The following SRGAP3 variants were observed in gnomAD, a reference collection of about 807,000 sequenced individuals.
SRGAP3 encodes the protein SLIT-ROBO Rho GTPase-activating protein 3.
A neutral mutation model predicts 121.1 loss-of-function variants in SRGAP3; 39 were observed. The ratio of observed to expected loss-of-function variants is 0.32; its 90% CI spans 0.25 to 0.42. The LOEUF is 0.42. Ranked by LOEUF, SRGAP3 falls within the 10% of genes least tolerant of loss-of-function variation. The pLI, the probability that SRGAP3 is intolerant of heterozygous loss-of-function variation, is 1.00. For synonymous variants in SRGAP3, 601 were observed against 570.0 expected (o/e 1.05, Z -0.77); for missense variants, 1,213 against 1,470.6 (o/e 0.82, Z 2.86).
intron 1 of SRGAP3, among the ~76,000 whole-genome samples, chr3:9,156,208 A>T (rs932318937): frequency 6.6e-6 from 1 of 152,112 alleles, no homozygotes; most frequent in Admixed American, 6.5e-5. Flanking sequence ...ATCAGAAGTG[A>T]GTTTGGGAGG....
intron 3 of SRGAP3, among the ~76,000 whole-genome samples, chr3:9,305,848 T>C (rs1488859147): frequency 6.6e-6 from 1 of 152,192 alleles, no homozygotes; most frequent in African/African-American, 2.4e-5. Flanking sequence ...TTTGCTATTG[T>C]GAATAGTGCC....
At chr3:9,240,386 C>T (rs576618343) in intron 1 of SRGAP3, among the ~76,000 whole-genome samples, 1 of 152,204 alleles carries the variant, frequency 6.6e-6, no homozygotes, top group South Asian at 2.1e-4. Flanking sequence ...AAGTCAACCC[C>T]GTCCCTTCCT....
At chr3:9,118,524 G>T (rs1260868654) in intron 2 of SRGAP3, among the ~76,000 whole-genome samples, 2 of 152,224 alleles carry the variant, frequency 1.3e-5, no homozygotes, top group African/African-American at 4.8e-5. Context: ...GCCTAGCTTG[G>T]AGAGGGCAGT....
At chr3:9,222,756 G>A (rs569871511) in intron 1 of SRGAP3, among the ~76,000 whole-genome samples, 7 of 152,194 alleles carry the variant, frequency 4.6e-5, no homozygotes, top group African/African-American at 1.4e-4. Context: ...AAATGCCCAC[G>A]TGCACCTAGC....
Position 8,994,393 on chromosome 3 carries a change from G to A in SRGAP3, c.2358C>T (p.His786=), listed in dbSNP as rs564732499. ...RASEDWWEGR[H]NGVDGLIPHQ... Reference sequence around the variant, plus strand: ...GGGGGATGAGTCCATCCACGCCGTTGTGCCGGCCCTCCCACCAGTCCTCCG... The same window carrying A: ...GGGGGATGAGTCCATCCACGCCGTTATGCCGGCCCTCCCACCAGTCCTCCG... Residue 786 remains histidine (H), a synonymous_variant, in exon 19 of 22, where the codon CAC becomes CAT. Coordinates refer to ENST00000383836, the MANE Select transcript of SRGAP3 (RefSeq NM_014850.4). The A allele has an allele frequency of 6.2e-7, 1 of 1,614,210 alleles. No homozygotes were observed. Among genetic ancestry groups the A allele is most frequent in the African/African-American group, 1.3e-5 (1 of 75,062 alleles).
At chr3:9,049,131 C>CCCCA (rs1304406882) in intron 9 of SRGAP3, 1 of 275,052 alleles carries the variant, frequency 3.6e-6, no homozygotes, top group African/African-American at 2.2e-5. Flanking sequence ...GCTCAGACAC[C>CCCCA]CCCAAGTCAA....
rs568729811 is a variant in SRGAP3, at chr3:9,100,148, A to C, written c.423+4532T>G. On this transcript the variant is annotated intron_variant, in intron 3 of 21. Transcript: ENST00000383836. ...TCTTAACATAGTAAGGGCCAAGAAG[A>C]TTATACGTCAGAGCCAAACTCAGTT... is the stretch of plus-strand genomic sequence containing the variant. Among the ~76,000 whole-genome samples the C allele has an allele frequency of 2.6e-5, 4 of 152,334 alleles. No individual in the cohort carries two copies. In the South Asian group the frequency reaches 8.3e-4, roughly 32 times the overall value.
At chr3:9,111,546 GTC>G (rs1300498611) in intron 2 of SRGAP3, among the ~76,000 whole-genome samples, 4 of 152,164 alleles carry the variant, frequency 2.6e-5, no homozygotes, top group Non-Finnish European at 5.9e-5. Context: ...GGCCTGCAGG[GTC>G]TCACACACTC....
chr3:9,246,427 C>T (rs949464433), intron 1 of SRGAP3, among the ~76,000 whole-genome samples: 1 of 152,220 alleles, frequency 6.6e-6, no homozygotes, highest in African/African-American at 2.4e-5. Flanking sequence ...CATCAAGAGG[C>T]TGCCAGTCCC....
chr3:9,087,233 G>A (rs1560115576), intron 3 of SRGAP3, among the ~76,000 whole-genome samples: 1 of 152,050 alleles, frequency 6.6e-6, no homozygotes, highest in Non-Finnish European at 1.5e-5. Context: ...GTCTCATGGA[G>A]TCCCTGTGAG....
At chr3:9,319,282 G>C (rs759211318) in intron 3 of SRGAP3, among the ~76,000 whole-genome samples, 90 of 151,848 alleles carry the variant, frequency 5.9e-4, no homozygotes, top group Admixed American at 2.7e-3. Context: ...TTGTACCTTA[G>C]CTTGTCCTCC....
At chr3:9,101,788 T>A (rs1948225667) in intron 3 of SRGAP3, among the ~76,000 whole-genome samples, 1 of 152,050 alleles carries the variant, frequency 6.6e-6, no homozygotes, top group Non-Finnish European at 1.5e-5. Context: ...ACCATAAGAG[T>A]CCTGATCACT....
intron 11 of SRGAP3, 113 bp from the exon 12 acceptor site, chr3:9,032,865 C>G (rs558340682): frequency 1.1e-6 from 1 of 906,106 alleles, no homozygotes; most frequent in East Asian, 2.6e-5. Context: ...TAAATGGAAG[C>G]CCCTGACCCC....
intron 21 of SRGAP3, among the ~76,000 whole-genome samples, chr3:8,987,772 C>T (rs774353923): frequency 2.6e-5 from 4 of 151,204 alleles, no homozygotes; most frequent in Non-Finnish European, 5.9e-5. Context: ...CAAAAGGAGG[C>T]GCTGTGGGGG....
At chr3:9,117,434 G>T (rs1422156392) in intron 2 of SRGAP3, among the ~76,000 whole-genome samples, 1 of 152,246 alleles carries the variant, frequency 6.6e-6, no homozygotes, top group Non-Finnish European at 1.5e-5. Context: ...GAAGCTGAAA[G>T]ATGCTCCAAA....
intron 15 of SRGAP3, among the ~76,000 whole-genome samples, chr3:9,015,022 A>G (rs1221194240): frequency 1.3e-5 from 2 of 152,188 alleles, no homozygotes; most frequent in Non-Finnish European, 2.9e-5. Context: ...CAGAAACATA[A>G]TAGTTTCTCA....
At chr3:9,065,887 A>T (rs1946406851) in intron 4 of SRGAP3, among the ~76,000 whole-genome samples, 1 of 152,208 alleles carries the variant, frequency 6.6e-6, no homozygotes, top group South Asian at 2.1e-4. Context: ...TGGTAAATAT[A>T]TATTTAATCA....
intron 1 of SRGAP3, among the ~76,000 whole-genome samples, chr3:9,188,029 A>AAGTAGGATG (rs1228646454): frequency 1.3e-5 from 2 of 152,190 alleles, no homozygotes; most frequent in Admixed American, 1.3e-4. Context: ...AATTAGAAGG[A>AAGTAGGATG]AGTAGGATGA....
At chr3:9,187,995 T>G (rs1217330911) in intron 1 of SRGAP3, among the ~76,000 whole-genome samples, 1 of 152,198 alleles carries the variant, frequency 6.6e-6, no homozygotes, top group Non-Finnish European at 1.5e-5. Context: ...ACTCTGGTCC[T>G]AGACCCTTTC....
Sources: allele counts gnomAD v4.1 joint callset (sites outside exome capture counted in the v4.1 genomes callset), GRCh38; gene constraint gnomAD v4.1.1; transcripts MANE v1.5; gene names NCBI Gene and HGNC (gene_info 2026-07-23, HGNC 2026-07-21).